CAMK1D: variants seen among roughly 807,000 people sequenced by gnomAD.
CAMK1D encodes calcium/calmodulin-dependent protein kinase type 1D.
In CAMK1D, 9 loss-of-function variants were observed where a neutral mutation model predicts 47.7. The ratio of observed to expected loss-of-function variants is 0.19; its 90% CI spans 0.11 to 0.33. CAMK1D has a LOEUF of 0.33. CAMK1D is among the 10% of genes least tolerant of loss of function. The probability of loss-of-function intolerance (pLI) is 1.00; values close to 1 mark genes in which losing one functional copy is unlikely to be tolerated. For missense variants in CAMK1D, 291 were observed against 488.7 expected (o/e 0.60, Z 3.81); for synonymous variants, 184 against 184.9 (o/e 0.99, Z 0.04).
At chr10:12,599,171 T>A (rs946346773) in intron 2 of CAMK1D, among the ~76,000 whole-genome samples, 1 of 152,184 alleles carries the variant, frequency 6.6e-6, no homozygotes, top group African/African-American at 2.4e-5. Context: ...AGTATCTTTT[T>A]GGGGGTTACT....
At chr10:12,576,649 A>G (rs1395966124) in intron 2 of CAMK1D, among the ~76,000 whole-genome samples, 2 of 152,070 alleles carry the variant, frequency 1.3e-5, no homozygotes, top group African/African-American at 4.8e-5. Context: ...CCTTGCATAC[A>G]CAGTTCACAA....
rs559984525 is a variant in CAMK1D at position 12,633,318 on chromosome 10, T to C, written c.225-33418T>C. On this transcript the variant is annotated intron_variant, in intron 2 of 10. Coordinates refer to ENST00000619168, the MANE Select transcript of CAMK1D (RefSeq NM_153498.4). ...TGGAATCCAGGCATTTGTATTTCTT[T>C]TTCCCTGAGAAGAAGCTCTGAGTGG... is the stretch of plus-strand genomic sequence containing the variant. 3.9e-5 allele frequency among the ~76,000 whole-genome samples: 6 copies of C among 152,282 alleles called. No individual in the cohort carries two copies. The East Asian group carries it at 1.2e-3, about 29-fold the overall frequency.
chr10:12,761,119 A>G (rs1209970079), intron 4 of CAMK1D, 33 bp downstream of exon 4: 10 of 1,606,202 alleles, frequency 6.2e-6, no homozygotes, highest in Non-Finnish European at 7.7e-6. Context: ...TCCTGCAGCC[A>G]CTCTGCAGCC....
At chr10:12,806,766 G>C (rs1279150014) in intron 6 of CAMK1D, among the ~76,000 whole-genome samples, 1 of 152,208 alleles carries the variant, frequency 6.6e-6, no homozygotes, top group Non-Finnish European at 1.5e-5. Flanking sequence ...ACAAAAAGAA[G>C]TGGATAAACT....
At chr10:12,429,796 G>A (rs1244400165) in intron 1 of CAMK1D, among the ~76,000 whole-genome samples, 1 of 152,148 alleles carries the variant, frequency 6.6e-6, no homozygotes, top group African/African-American at 2.4e-5. Flanking sequence ...TGGGAGATGG[G>A]CCCAGGGAAG....
chr10:12,571,710 G>T (rs971971694), intron 2 of CAMK1D, among the ~76,000 whole-genome samples: 1 of 152,076 alleles, frequency 6.6e-6, no homozygotes, highest in South Asian at 2.1e-4. Flanking sequence ...CCATTTACTT[G>T]TCTTTCTTTC....
chr10:12,644,090 G>T lies in CAMK1D; in HGVS notation c.225-22646G>T, dbSNP rs573513112. 5.1e-4 allele frequency among the ~76,000 whole-genome samples: 78 copies of T among 152,124 alleles called. No homozygotes were observed. The Middle Eastern group carries it at 0.014, about 27-fold the overall frequency. ...AAATGTAATGTGCTGAAATCATCCCGAAACCATCTTCCCCTGAGCCCTGTC... is the reference window on the plus strand; with the variant it reads ...AAATGTAATGTGCTGAAATCATCCCTAAACCATCTTCCCCTGAGCCCTGTC... On this transcript the variant is annotated intron_variant, in intron 2 of 10. Coordinates refer to ENST00000619168, the MANE Select transcript of CAMK1D (RefSeq NM_153498.4).
chr10:12,715,075 TATCCACTCACCA>T (rs1286320975), intron 3 of CAMK1D, among the ~76,000 whole-genome samples: 1 of 152,180 alleles, frequency 6.6e-6, no homozygotes, highest in Non-Finnish European at 1.5e-5. Flanking sequence ...TGTATGTCTG[TATCCACTCACCA>T]ATCCCCTCAG....
intron 1 of CAMK1D, among the ~76,000 whole-genome samples, chr10:12,417,606 G>A (rs1229545021): frequency 2.0e-5 from 3 of 152,084 alleles, no homozygotes; most frequent in Non-Finnish European, 4.4e-5. Flanking sequence ...CCACAGTTGA[G>A]TTCCAAGCCT....
chr10:12,732,664 A>ACCCCCCC (rs1564522851), intron 3 of CAMK1D, among the ~76,000 whole-genome samples: 16 of 111,726 alleles, frequency 1.4e-4, no homozygotes, highest in African/African-American at 6.6e-4. Flanking sequence ...TTATTCAATT[A>ACCCCCCC]CCCCCGCCCC....
chr10:12,816,375 TGGGG>T (rs771621460), intron 8 of CAMK1D, 47 bp downstream of exon 8: 1 of 1,476,874 alleles, frequency 6.8e-7, no homozygotes, highest in East Asian at 2.3e-5. Context: ...TAATGCCATC[TGGGG>T]GGGGCACGAA....
At chr10:12,364,166 A>T (rs1588407516) in intron 1 of CAMK1D, among the ~76,000 whole-genome samples, 2 of 151,752 alleles carry the variant, frequency 1.3e-5, no homozygotes, top group Non-Finnish European at 1.5e-5. Context: ...GAGAAGTTAA[A>T]TGACTCAGGT....
intron 2 of CAMK1D, among the ~76,000 whole-genome samples, chr10:12,666,520 G>A (rs1394890280): frequency 1.3e-5 from 2 of 152,196 alleles, no homozygotes; most frequent in African/African-American, 4.8e-5. Context: ...AAACTGTAGG[G>A]TATTGAGCCT....
chr10:12,515,402 C>CTTTTTTTTTTTTTTTTT (rs772694725), intron 1 of CAMK1D, among the ~76,000 whole-genome samples: 2 of 102,028 alleles, frequency 2.0e-5, no homozygotes, highest in Non-Finnish European at 4.0e-5. Context: ...TTTTCCTTTT[C>CTTTTTTTTTTTTTTTTT]TTTTTTTTTT....
intron 2 of CAMK1D, among the ~76,000 whole-genome samples, chr10:12,664,831 A>G (rs554686561): frequency 2.0e-5 from 3 of 152,346 alleles, no homozygotes; most frequent in Admixed American, 6.5e-5. Flanking sequence ...ATATAATCCC[A>G]TTCCTCCTAT....
At chr10:12,432,146 T>A (rs1373153291) in intron 1 of CAMK1D, among the ~76,000 whole-genome samples, 1 of 152,226 alleles carries the variant, frequency 6.6e-6, no homozygotes, top group East Asian at 1.9e-4. Context: ...CTGGGAGCTC[T>A]AATTTGCCTT....
At chr10:12,591,966 A>C (rs1472420688) in intron 2 of CAMK1D, among the ~76,000 whole-genome samples, 2 of 152,238 alleles carry the variant, frequency 1.3e-5, no homozygotes, top group Non-Finnish European at 2.9e-5. Flanking sequence ...TGCTAGGATT[A>C]CAGGCGTGAG....
At position 12,632,304 on chromosome 10, in the gene CAMK1D, G is replaced by A. The variant is rs371412863; in HGVS notation, c.225-34432G>A. 9.2e-5 allele frequency among the ~76,000 whole-genome samples: 14 copies of A among 152,338 alleles called. No individual in the cohort carries two copies. In the East Asian group the frequency reaches 1.9e-3, roughly 21 times the overall value. On this transcript the variant is annotated intron_variant, in intron 2 of 10. Coordinates refer to ENST00000619168, the MANE Select transcript of CAMK1D (RefSeq NM_153498.4). ...GGGAGCCAGCCATGCAGGATCTAGG[G>A]AATGAGACTTCCAGGCAGGGGAATA...
At chr10:12,353,456 G>T (rs1295415743) in intron 1 of CAMK1D, among the ~76,000 whole-genome samples, 1 of 152,174 alleles carries the variant, frequency 6.6e-6, no homozygotes, top group Admixed American at 6.5e-5. Context: ...TCACCTCATG[G>T]AGCCGAGCAT....
Sources: gnomAD v4.1 joint callset for allele counts (sites outside exome capture counted in the v4.1 genomes callset) on GRCh38, gnomAD v4.1.1 for gene constraint, MANE v1.5 for transcripts, NCBI Gene and HGNC (gene_info 2026-07-23, HGNC 2026-07-21) for gene names.